CNTNAP4: variants seen among roughly 807,000 people sequenced by gnomAD.
The protein encoded by CNTNAP4 is contactin-associated protein-like 4.
A neutral mutation model predicts 148.4 loss-of-function variants in CNTNAP4; 98 were observed. The ratio of observed to expected loss-of-function variants is 0.66; its 90% CI spans 0.56 to 0.78. The LOEUF is 0.78. CNTNAP4 is among the 30% of genes least tolerant of loss of function. CNTNAP4 has a pLI of 0.00. For synonymous variants in CNTNAP4, 730 were observed against 565.1 expected (o/e 1.29, Z -4.14); for missense variants, 1,935 against 1,565.6 (o/e 1.24, Z -3.98).
chr16:76,317,488 T>C (rs1211296311), intron 2 of CNTNAP4, among the ~76,000 whole-genome samples: 1 of 152,224 alleles, frequency 6.6e-6, no homozygotes, highest in Non-Finnish European at 1.5e-5. Context: ...AAAATTCATC[T>C]GCACATGCAT....
intron 1 of CNTNAP4, among the ~76,000 whole-genome samples, chr16:76,289,856 C>T (rs946389645): frequency 6.6e-6 from 1 of 152,158 alleles, no homozygotes; most frequent in Admixed American, 6.5e-5. Context: ...CAGGCATGAA[C>T]CACCGCACCT....
At chr16:76,546,355 AGCTGCTCCCCATT>A (rs1367892222) in intron 21 of CNTNAP4, among the ~76,000 whole-genome samples, 1 of 152,192 alleles carries the variant, frequency 6.6e-6, no homozygotes, top group Admixed American at 6.5e-5. Context: ...CTGTATTTAC[AGCTGCTCCCCATT>A]GCTTGCATTA....
chr16:76,560,244 T>A lies in CNTNAP4; in HGVS notation c.*1561T>A, dbSNP rs559467914. ...CAGAAGAATCGGGAAATATGTAAATTTAGCATTACTATCATCTTATTTTCT... is the reference window on the plus strand; with the variant it reads ...CAGAAGAATCGGGAAATATGTAAATATAGCATTACTATCATCTTATTTTCT... On this transcript the variant is annotated 3_prime_UTR_variant, in exon 24 of 24. Transcript: ENST00000611870. Among the ~76,000 whole-genome samples the A allele has an allele frequency of 3.8e-4, 58 of 152,304 alleles. No homozygotes were observed. The highest frequency in any genetic ancestry group is 1.3e-3 in the African/African-American group (56 of 41,572).
At chr16:76,447,966 A>T in intron 4 of CNTNAP4, 46 bp from the exon 5 acceptor site, 2 of 1,397,218 alleles carry the variant, frequency 1.4e-6, no homozygotes, top group Non-Finnish European at 2.0e-6. Flanking sequence ...GATTTAATGG[A>T]AAAGATATTT....
At chr16:76,556,462 A>G (rs759071474) in intron 23 of CNTNAP4, among the ~76,000 whole-genome samples, 1 of 152,196 alleles carries the variant, frequency 6.6e-6, no homozygotes, top group Non-Finnish European at 1.5e-5. Flanking sequence ...AATTACATAC[A>G]TGGAACAAAC....
At chr16:76,289,718 C>T (rs557669534) in intron 1 of CNTNAP4, among the ~76,000 whole-genome samples, 2 of 152,162 alleles carry the variant, frequency 1.3e-5, no homozygotes, top group East Asian at 1.9e-4. Context: ...CTACAGGCAC[C>T]TGCCACCATG....
chr16:76,445,691 A>G lies in CNTNAP4; in HGVS notation c.539-2321A>G, dbSNP rs572947918. Among the ~76,000 whole-genome samples, 10 of 152,282 alleles carry G rather than the reference A, an allele frequency of 6.6e-5. No individual in the cohort carries two copies. In the East Asian group the frequency reaches 1.7e-3, roughly 26 times the overall value. ...AATGTAATAATAACAGCAGCGAAAA[A>G]GAAAAAAAAAGTACTAGTAGCTAAA... On this transcript the variant is annotated intron_variant, in intron 4 of 23. Coordinates refer to ENST00000611870, the MANE Select transcript of CNTNAP4 (RefSeq NM_033401.5).
At chr16:76,322,485 T>C (rs756688982) in intron 2 of CNTNAP4, among the ~76,000 whole-genome samples, 2 of 152,206 alleles carry the variant, frequency 1.3e-5, no homozygotes, top group Non-Finnish European at 2.9e-5. Flanking sequence ...GTTAGACATA[T>C]CTGGAATTAA....
At chr16:76,431,378 A>T (rs2079598292) in intron 4 of CNTNAP4, among the ~76,000 whole-genome samples, 1 of 152,120 alleles carries the variant, frequency 6.6e-6, no homozygotes, top group Admixed American at 6.6e-5. Flanking sequence ...AGGAACAGCA[A>T]TCAGTAAAGG....
intron 15 of CNTNAP4, among the ~76,000 whole-genome samples, chr16:76,507,171 C>A (rs2082865719): frequency 1.2e-5 from 1 of 85,886 alleles, no homozygotes; most frequent in Admixed American, 1.1e-4. Flanking sequence ...ATAATCACAT[C>A]ATGGAAAATT....
At chr16:76,370,404 T>C (rs147692337) in intron 3 of CNTNAP4, among the ~76,000 whole-genome samples, 2 of 152,284 alleles carry the variant, frequency 1.3e-5, no homozygotes, top group East Asian at 3.9e-4. Flanking sequence ...TATAGAATTA[T>C]GGAAGCAGTG....
intron 10 of CNTNAP4, among the ~76,000 whole-genome samples, chr16:76,475,599 T>C (rs1385138728): frequency 6.6e-6 from 1 of 152,244 alleles, no homozygotes; most frequent in Non-Finnish European, 1.5e-5. Context: ...TCAAACAATG[T>C]AGCAATTCAA....
intron 12 of CNTNAP4, among the ~76,000 whole-genome samples, chr16:76,487,978 T>C (rs990021368): frequency 1.7e-4 from 26 of 152,188 alleles, no homozygotes; most frequent in African/African-American, 6.3e-4. Flanking sequence ...ATTGTCCGCC[T>C]TGCTTGGTAG....
At chr16:76,462,130 G>A in intron 9 of CNTNAP4, 25 bp downstream of exon 9, 2 of 1,591,888 alleles carry the variant, frequency 1.3e-6, no homozygotes, top group Non-Finnish European at 1.7e-6. Context: ...CAGGCTCTAT[G>A]AGCAACTGAA....
At chr16:76,552,383 A>G (rs990569139) in intron 21 of CNTNAP4, among the ~76,000 whole-genome samples, 1 of 152,108 alleles carries the variant, frequency 6.6e-6, no homozygotes, top group Non-Finnish European at 1.5e-5. Flanking sequence ...GGGTGGATGG[A>G]TGCATTGTAT....
Position 76,315,075 on chromosome 16 carries a change from GTGT to G in CNTNAP4, c.86-1327_86-1325del, listed in dbSNP as rs574977001. 1.8e-3 allele frequency among the ~76,000 whole-genome samples: 267 copies of G among 148,556 alleles called. 2 individuals are homozygous for G. The highest frequency in any genetic ancestry group is 3.2e-3 in the Non-Finnish European group (220 of 67,948). ...TTCTAAGATTCAACTATTTTGTTTT[GTGT>G]TGTTGTTGTTTCTTTTACTGGCGTG... On this transcript the variant is annotated intron_variant, in intron 1 of 23. Coordinates refer to ENST00000611870, the MANE Select transcript of CNTNAP4 (RefSeq NM_033401.5).
intron 15 of CNTNAP4, among the ~76,000 whole-genome samples, chr16:76,504,990 C>A (rs573036232): frequency 6.6e-6 from 1 of 152,140 alleles, no homozygotes; most frequent in Admixed American, 6.5e-5. Flanking sequence ...GGATTTAGAG[C>A]AACTAGAACT....
At chr16:76,330,376 C>A (rs1230716578) in intron 2 of CNTNAP4, among the ~76,000 whole-genome samples, 1 of 152,118 alleles carries the variant, frequency 6.6e-6, no homozygotes, top group Non-Finnish European at 1.5e-5. Context: ...TTATTTAGGA[C>A]CATAATGGGC....
chr16:76,287,933 A>G (rs999427451), intron 1 of CNTNAP4, among the ~76,000 whole-genome samples: 1 of 152,162 alleles, frequency 6.6e-6, no homozygotes, highest in African/African-American at 2.4e-5. Flanking sequence ...AGGCTTATGA[A>G]CATGGCAAAC....
Sources: allele counts gnomAD v4.1 joint callset (sites outside exome capture counted in the v4.1 genomes callset), GRCh38; gene constraint gnomAD v4.1.1; transcripts MANE v1.5; gene names NCBI Gene and HGNC (gene_info 2026-07-23, HGNC 2026-07-21).